CYP4F2: variants seen among roughly 807,000 people sequenced by gnomAD.
The protein encoded by CYP4F2 is cytochrome P450 4F2.
A neutral mutation model predicts 58.9 loss-of-function variants in CYP4F2; 58 were observed. The observed-to-expected ratio is 0.98, with a 90% confidence interval of 0.80 to 1.23. CYP4F2 has a LOEUF of 1.23. Ranked by LOEUF, CYP4F2 falls within the 50% of genes most tolerant of loss-of-function variation. CYP4F2 has a pLI of 0.00. For missense variants in CYP4F2, 616 were observed against 685.6 expected, an observed-to-expected ratio of 0.90 and a Z score of 1.13; for synonymous variants, 287 against 261.1, an observed-to-expected ratio of 1.10 and a Z score of -0.95.
chr19:15,882,405 C>G (rs960604055), intron 9 of CYP4F2, among the ~76,000 whole-genome samples: 2 of 152,094 alleles, frequency 1.3e-5, no homozygotes, highest in Admixed American at 1.3e-4. Context: ...ATCTACTGCA[C>G]AGCATGGTGA....
In CYP4F2 at chr19:15,885,039, G is replaced by A. The variant is rs3093172; in HGVS notation, c.1115+885C>T. Among the ~76,000 whole-genome samples the A allele has an allele frequency of 3.2e-3, 492 of 151,760 alleles. 3 individuals carry two copies. Among genetic ancestry groups the A allele is most frequent in the African/African-American group, 0.011 (464 of 41,320 alleles). On this transcript the variant is annotated intron_variant, in intron 9 of 12. Coordinates refer to ENST00000221700, the MANE Select transcript of CYP4F2 (RefSeq NM_001082.5). ...GGTTTTATCATCTCATTACAACTCA[G>A]TCTCTCCCTCTCTCTCCCCTTCTCC... is the stretch of plus-strand genomic sequence containing the variant.
rs140714005 is a variant in CYP4F2, at chr19:15,897,072, T to G, written c.198+342A>C. Among the ~76,000 whole-genome samples, 6 of 152,194 alleles carry G rather than the reference T, an allele frequency of 3.9e-5. No homozygotes were observed. In the East Asian group the frequency reaches 1.2e-3, roughly 30 times the overall value. ...AGGAGAGGACCCTGGACAGTGGGCA[T>G]AAGAAGCCTCGAGTCCAGCAATGGA... On this transcript the variant is annotated intron_variant, in intron 2 of 12. Coordinates refer to ENST00000221700, the MANE Select transcript of CYP4F2 (RefSeq NM_001082.5).
Position 15,886,243 on chromosome 19 carries a change from C to T in CYP4F2, c.984G>A (p.Glu328=). Residue 328 remains glutamate, a splice_region_variant and synonymous_variant, in exon 8 of 13, where the codon GAG becomes GAA. Coordinates refer to ENST00000221700, the MANE Select transcript of CYP4F2 (RefSeq NM_001082.5). ...CTAGCCCCACACTGGGGCCCTCACC[C>T]TCAAACATAAAGGTGTCAGCTTCTG... The part of the protein sequence containing the change: ...IRAEADTFMF[E]GHDTTASGLS... 6.2e-7 allele frequency: 1 copy of T among 1,614,094 alleles called. No individual in the cohort carries two copies. The highest frequency in any genetic ancestry group is 1.3e-5 in the African/African-American group (1 of 75,002).
intron 7 of CYP4F2, 45 bp from the exon 8 acceptor site, chr19:15,886,353 A>T: frequency 1.3e-6 from 2 of 1,498,986 alleles, no homozygotes; most frequent in Non-Finnish European, 1.8e-6. Flanking sequence ...CCCCCATAAA[A>T]AGTCACACTA....
intron 9 of CYP4F2, among the ~76,000 whole-genome samples, chr19:15,884,164 C>T (rs2089361806): frequency 6.6e-6 from 1 of 152,058 alleles, no homozygotes; most frequent in Non-Finnish European, 1.5e-5. Context: ...CAATGGAATA[C>T]TATGCACCAT....
intron 4 of CYP4F2, 24 bp from the exon 5 acceptor site, chr19:15,892,460 G>A: frequency 6.2e-7 from 1 of 1,614,094 alleles, no homozygotes. Context: ...CAAGGGCCAT[G>A]GGCAAGGACC....
At chr19:15,886,172 G>A (rs2089378193) in intron 8 of CYP4F2, 70 bp downstream of exon 8, 1 of 1,610,534 alleles carries the variant, frequency 6.2e-7, no homozygotes, top group Non-Finnish European at 8.5e-7. Flanking sequence ...AGGTTGTGGG[G>A]GTCTACCCAC....
intron 9 of CYP4F2, among the ~76,000 whole-genome samples, chr19:15,881,565 G>GGATAGATAGATAGATAGATA (rs59240008): frequency 2.7e-5 from 4 of 149,874 alleles, no homozygotes; most frequent in Non-Finnish European, 4.4e-5. Flanking sequence ...GATAGATGAT[G>GGATAGATAGATAGATAGATA]GATAGATAGA....
chr19:15,896,931 G>C (rs1042453956), intron 2 of CYP4F2, among the ~76,000 whole-genome samples: 4 of 152,208 alleles, frequency 2.6e-5, no homozygotes, highest in Non-Finnish European at 5.9e-5. Context: ...TTGATAAGAG[G>C]GAGATAAGAA....
rs1421482943 is a variant in CYP4F2, at chr19:15,878,675, A to G, written c.*96T>C. 6.7e-7 allele frequency: 1 copy of G among 1,500,242 alleles called. No homozygotes were observed. Among genetic ancestry groups the G allele is most frequent in the Admixed American group, 2.2e-5 (1 of 45,752 alleles). 92.9% of individuals were successfully genotyped at this position (1,500,242 alleles called of 1,614,324 possible). On this transcript the variant is annotated 3_prime_UTR_variant, in exon 13 of 13. Transcript: ENST00000221700. ...TTTGAGTAGATATCTAGGATGGAAT[A>G]CAGGACTGTGGAACAGGGTCTTAGG...
chr19:15,890,488 C>T, intron 5 of CYP4F2, 55 bp from the exon 6 acceptor site: 2 of 1,600,642 alleles, frequency 1.2e-6, no homozygotes, highest in Non-Finnish European at 8.5e-7. Flanking sequence ...TTGAGCACCT[C>T]TCCAACCCCA....
At position 15,890,413 on chromosome 19, in the gene CYP4F2, G is replaced by A. The variant is rs1344709929; in HGVS notation, c.546C>T (p.Ala182=). Reference sequence around the variant, plus strand: ...TATCCAAACAGGCACTACCCTCTGAGGCCAGGAGCTGCCACTTGGCCTAGC... The same window carrying A: ...TATCCAAACAGGCACTACCCTCTGAAGCCAGGAGCTGCCACTTGGCCTAGC... ...NIMHAKWQLL[A]SEGSACLDMF... is the part of the protein sequence containing the mutation. Residue 182 remains alanine (A), a synonymous_variant, in exon 6 of 13, where the codon GCC becomes GCT. Transcript: ENST00000221700. 6.2e-7 allele frequency: 1 copy of A among 1,614,080 alleles called. No homozygotes were observed. Among genetic ancestry groups the A allele is most frequent in the South Asian group, 1.1e-5 (1 of 91,076 alleles).
chr19:15,885,788 G>T, intron 9 of CYP4F2, 136 bp downstream of exon 9: 2 of 1,365,514 alleles, frequency 1.5e-6, no homozygotes, highest in Non-Finnish European at 2.0e-6. Context: ...ACTAAGTCCT[G>T]CCTGTGGTCC....
At position 15,898,055 on chromosome 19, in the gene CYP4F2, A is replaced by C; in HGVS notation, c.-31T>G. On this transcript the variant is annotated 5_prime_UTR_variant, in exon 1 of 13. Transcript: ENST00000221700. ...TGTCAGGAGCAGTCTGTCCCAGACAACCTCCTCTCTCTGTCTGCTGGGAGG... is the reference window on the plus strand; with the variant it reads ...TGTCAGGAGCAGTCTGTCCCAGACACCCTCCTCTCTCTGTCTGCTGGGAGG... 1 of 185,894 alleles carries C rather than the reference A, an allele frequency of 5.4e-6. No individual in the cohort carries two copies. Among genetic ancestry groups the C allele is most frequent in the Non-Finnish European group, 1.1e-5 (1 of 90,810 alleles). 11.5% of individuals were successfully genotyped at this position (185,894 alleles called of 1,614,324 possible). A position where few individuals can be genotyped will look rare whatever the true frequency, so the allele number is the denominator to read the frequency against.
At chr19:15,886,213 C>T (rs1284183095) in intron 8 of CYP4F2, 29 bp downstream of exon 8, 10 of 1,613,832 alleles carry the variant, frequency 6.2e-6, no homozygotes, top group Non-Finnish European at 8.5e-6. Flanking sequence ...ATCCCGGTCC[C>T]CTCTCTAGCC....
Position 15,879,341 on chromosome 19 carries a change from C to T in CYP4F2, c.1397+5G>A. 1 of 1,614,154 alleles carries T rather than the reference C, an allele frequency of 6.2e-7. No homozygotes were observed. The highest frequency in any genetic ancestry group is 8.5e-7 in the Non-Finnish European group (1 of 1,180,010). Reference sequence around the variant, plus strand: ...GTTCCCACCTCAGACACAGGCCGCCCTTACCTGGGCCCTGCCGAGAAGGGA... The same window carrying T: ...GTTCCCACCTCAGACACAGGCCGCCTTTACCTGGGCCCTGCCGAGAAGGGA... On this transcript the variant is annotated splice_donor_5th_base_variant and intron_variant, in intron 12 of 12. Transcript: ENST00000221700.
chr19:15,897,145 G>A (rs911181716), intron 2 of CYP4F2, among the ~76,000 whole-genome samples: 1 of 152,146 alleles, frequency 6.6e-6, no homozygotes, highest in African/African-American at 2.4e-5. Context: ...CCAACCCTCT[G>A]CCCAGGAGCC....
chr19:15,895,447 G>A (rs2089441774), intron 3 of CYP4F2, 59 bp downstream of exon 3: 2 of 1,456,988 alleles, frequency 1.4e-6, no homozygotes, highest in African/African-American at 3.0e-5. Flanking sequence ...ACAGGAGCTT[G>A]GGGATAGCGG....
chr19:15,879,425 A>G lies in CYP4F2; in HGVS notation c.1318T>C (p.Tyr440His). 1 of 1,614,158 alleles carries G rather than the reference A, an allele frequency of 6.2e-7. No homozygotes were observed. The highest frequency in any genetic ancestry group is 2.2e-5 in the East Asian group (1 of 44,860). Residue 440 changes from tyrosine to histidine, a missense_variant, in exon 12 of 13, where the codon TAC becomes CAC. Physicochemically the swap from Tyr to His is moderately conservative, Grantham distance 83. Coordinates refer to ENST00000221700, the MANE Select transcript of CYP4F2 (RefSeq NM_001082.5). Reference sequence around the variant, plus strand: ...TCTGGGTCAAAGCGAAAGGGGTCGTAGACCTGGAGGTGAGACCAAGAAGGG... The same window carrying G: ...TCTGGGTCAAAGCGAAAGGGGTCGTGGACCTGGAGGTGAGACCAAGAAGGG... ...NPAVWPDPEV[Y>H]DPFRFDPENI...
Sources: allele counts gnomAD v4.1 joint callset (sites outside exome capture counted in the v4.1 genomes callset), GRCh38; gene constraint gnomAD v4.1.1; transcripts MANE v1.5; gene names NCBI Gene and HGNC (gene_info 2026-07-23, HGNC 2026-07-21).